The following COL11A1 variants were observed in gnomAD, a reference collection of about 807,000 sequenced individuals.
COL11A1 encodes collagen type XI alpha 1 chain.
COL11A1 carries 74 observed loss-of-function variants against 265.2 expected under a neutral mutation model. The observed-to-expected ratio is 0.28, with a 90% CI of 0.23 to 0.34. COL11A1 has a LOEUF of 0.34. Ranked by LOEUF, COL11A1 falls within the 10% of genes least tolerant of loss-of-function variation. The pLI is 1.00. For synonymous variants in COL11A1, 816 were observed against 727.6 expected, an observed-to-expected ratio of 1.12 and a Z score of -1.96; for missense variants, 2,165 against 2,263.6, an observed-to-expected ratio of 0.96 and a Z score of 0.88.
At chr1:103,055,415 C>T (rs1571169807) in intron 4 of COL11A1, among the ~76,000 whole-genome samples, 1 of 152,170 alleles carries the variant, frequency 6.6e-6, no homozygotes, top group Non-Finnish European at 1.5e-5. Context: ...TTAGTGAACA[C>T]ACCTTTATAT....
At chr1:102,947,329 T>C (rs1315505375) in intron 41 of COL11A1, among the ~76,000 whole-genome samples, 7 of 152,160 alleles carry the variant, frequency 4.6e-5, no homozygotes, top group Non-Finnish European at 1.0e-4. Context: ...TTATAATGAA[T>C]TGGCAGAATA....
chr1:103,017,321 GA>G (rs1666646285), intron 11 of COL11A1, among the ~76,000 whole-genome samples: 1 of 151,962 alleles, frequency 6.6e-6, no homozygotes, highest in Non-Finnish European at 1.5e-5. Context: ...AAGAACAAAA[GA>G]AAGAAAGTAC....
chr1:102,898,071 C>G, intron 57 of COL11A1, 54 bp downstream of exon 57: 1 of 1,177,758 alleles, frequency 8.5e-7, no homozygotes, highest in South Asian at 1.4e-5. Context: ...AGCTAATAAA[C>G]AATTTTGTTT....
In COL11A1 at chr1:103,101,986, C is replaced by T. The variant is rs114823243; in HGVS notation, c.106+6087G>A. On this transcript the variant is annotated intron_variant, in intron 1 of 66. Transcript: ENST00000370096. ...AGTAGGTCTGGTGATCAGCCAATGTCTAAAGAACCACTAGCCAAGTTAGTA... is the reference window on the plus strand; with the variant it reads ...AGTAGGTCTGGTGATCAGCCAATGTTTAAAGAACCACTAGCCAAGTTAGTA... Among the ~76,000 whole-genome samples the T allele has an allele frequency of 7.0e-3, 1,060 of 152,104 alleles. 9 individuals are homozygous for T. The highest frequency in any genetic ancestry group is 0.024 in the African/African-American group (1,017 of 41,520).
chr1:102,921,556 G>A lies in COL11A1; in HGVS notation c.3670C>T (p.Pro1224Ser). The A allele has an allele frequency of 6.2e-7, 1 of 1,613,120 alleles. No individual in the cohort carries two copies. Among genetic ancestry groups the A allele is most frequent in the African/African-American group, 1.3e-5 (1 of 74,990 alleles). Reference sequence around the variant, plus strand: ...GGACCTTGAGGGCCTCTTGGGCCTGGAGGACCAGGTGGCCCCTGTAAGAGA... The same window carrying A: ...GGACCTTGAGGGCCTCTTGGGCCTGAAGGACCAGGTGGCCCCTGTAAGAGA... ...DVGPMGPPGP[P>S]GPRGPQGPNG... The change falls in exon 48 of 67, where the codon CCA (proline) becomes TCA (serine). Residue 1224 changes from proline (P) to serine (S), a missense_variant. Transcript: ENST00000370096.
At chr1:102,951,092 T>G (rs1038881438) in intron 41 of COL11A1, among the ~76,000 whole-genome samples, 2 of 152,174 alleles carry the variant, frequency 1.3e-5, no homozygotes, top group Non-Finnish European at 2.9e-5. Context: ...AATTATCTAG[T>G]CTCGGGCAGT....
intron 46 of COL11A1, among the ~76,000 whole-genome samples, chr1:102,927,255 A>G (rs973032353): frequency 1.3e-5 from 2 of 152,188 alleles, no homozygotes; most frequent in Admixed American, 1.3e-4. Flanking sequence ...AATACAAATA[A>G]TATACCATAA....
At chr1:103,048,737 G>A (rs959753138) in intron 4 of COL11A1, among the ~76,000 whole-genome samples, 3 of 152,114 alleles carry the variant, frequency 2.0e-5, no homozygotes, top group Non-Finnish European at 4.4e-5. Context: ...TGGGCTTTTA[G>A]TGCTATAAAT....
At chr1:103,033,246 G>A (rs923465953) in intron 4 of COL11A1, among the ~76,000 whole-genome samples, 1 of 151,948 alleles carries the variant, frequency 6.6e-6, no homozygotes, top group East Asian at 1.9e-4. Context: ...GGAAATTTGA[G>A]TTGTTTTTAT....
chr1:103,028,897 TAA>T (rs1667767933), intron 5 of COL11A1, among the ~76,000 whole-genome samples: 1 of 152,166 alleles, frequency 6.6e-6, no homozygotes, highest in Non-Finnish European at 1.5e-5. Flanking sequence ...TAATTTTTTA[TAA>T]GATAGGAAGA....
chr1:102,988,609 T>G (rs954693595), intron 29 of COL11A1, among the ~76,000 whole-genome samples: 1 of 151,422 alleles, frequency 6.6e-6, no homozygotes, highest in East Asian at 1.9e-4. Flanking sequence ...AAAAGAGGCT[T>G]GAAAGTGTTT....
At chr1:102,927,921 AT>A (rs1656817044) in intron 46 of COL11A1, among the ~76,000 whole-genome samples, 1 of 152,060 alleles carries the variant, frequency 6.6e-6, no homozygotes, top group South Asian at 2.1e-4. Flanking sequence ...AATGCTTTCA[AT>A]TTTTTTAGCC....
At chr1:103,007,125 T>C (rs1367782134) in intron 15 of COL11A1, among the ~76,000 whole-genome samples, 1 of 152,122 alleles carries the variant, frequency 6.6e-6, no homozygotes, top group African/African-American at 2.4e-5. Context: ...CTTTAACCTA[T>C]TTTTCCCCAC....
chr1:103,053,415 G>A (rs2102150067), intron 4 of COL11A1, among the ~76,000 whole-genome samples: 1 of 152,266 alleles, frequency 6.6e-6, no homozygotes, highest in South Asian at 2.1e-4. Context: ...ATACCTTGAG[G>A]CTGTTGTATA....
intron 1 of COL11A1, among the ~76,000 whole-genome samples, chr1:103,083,498 C>T (rs932425537): frequency 1.3e-5 from 2 of 151,830 alleles, no homozygotes; most frequent in African/African-American, 4.8e-5. Flanking sequence ...TTCAAATGTA[C>T]AATGGATGTT....
At position 102,996,027 on chromosome 1, in the gene COL11A1, G is replaced by A. The variant is rs761552834; in HGVS notation, c.2257C>T (p.Gln753Ter). The change falls in exon 27 of 67, where the codon CAA becomes TAA. Residue 753 changes from glutamine (Q) to a stop codon, truncating the protein, a stop_gained. Transcript: ENST00000370096. LOFTEE classifies it high-confidence loss of function. The stretch of plus-strand genomic sequence containing the variant: ...GGGCCCGGGTATCCAATAGGACCTT[G>A]TGGACCAGGGGGACCCTGAAATAGA... ...EKGALGPPGP[Q>*]GPIGYPGPRG... The A allele has an allele frequency of 6.2e-7, 1 of 1,613,204 alleles. No homozygotes were observed. The highest frequency in any genetic ancestry group is 1.7e-5 in the Admixed American group (1 of 59,892).
At chr1:102,903,557 G>A (rs1557796994) in intron 54 of COL11A1, among the ~76,000 whole-genome samples, 1 of 152,104 alleles carries the variant, frequency 6.6e-6, no homozygotes, top group Non-Finnish European at 1.5e-5. Context: ...ATTTCTAGAT[G>A]GACTAAAGGG....
rs546541226 is a variant in COL11A1 at position 102,989,960 on chromosome 1, C to A, written c.2341-389G>T. On this transcript the variant is annotated intron_variant, in intron 28 of 66. Coordinates refer to ENST00000370096, the MANE Select transcript of COL11A1 (RefSeq NM_001854.4). ...CCACACTTTGGTAGGCGGAGGCGGG[C>A]AGATTATTCGAGCCCAGGAGTTTGA... Among the ~76,000 whole-genome samples, 599 of 152,126 alleles carry A rather than the reference C, an allele frequency of 3.9e-3. 2 individuals are homozygous for A. Among genetic ancestry groups the A allele is most frequent in the Non-Finnish European group, 7.0e-3 (479 of 67,998 alleles).
chr1:103,072,246 A>C (rs1044534950), intron 4 of COL11A1, among the ~76,000 whole-genome samples: 1 of 152,082 alleles, frequency 6.6e-6, no homozygotes, highest in African/African-American at 2.4e-5. Flanking sequence ...AAGTCATTAG[A>C]TTGAAATTCA....
Sources: gnomAD v4.1 joint callset for allele counts (sites outside exome capture counted in the v4.1 genomes callset) on GRCh38, gnomAD v4.1.1 for gene constraint, MANE v1.5 for transcripts, NCBI Gene and HGNC (gene_info 2026-07-23, HGNC 2026-07-21) for gene names.